Variants in GOLGA7 observed in about 807,000 individuals in gnomAD.
GOLGA7 encodes golgin A7.
In GOLGA7, 10 loss-of-function variants were observed where a neutral mutation model predicts 21.1. The ratio of observed to expected loss-of-function variants is 0.47; its 90% CI spans 0.29 to 0.80. The LOEUF (loss-of-function observed/expected upper bound fraction) is 0.80, where lower values mean the gene tolerates loss of function less well. Ranked by LOEUF, GOLGA7 falls within the 30% of genes least tolerant of loss-of-function variation. The pLI, the probability that GOLGA7 is intolerant of heterozygous loss-of-function variation, is 0.08. For missense variants in GOLGA7, 114 were observed against 166.8 expected (o/e 0.68, Z 1.74); for synonymous variants, 64 against 62.6 (o/e 1.02, Z -0.10).
Position 41,492,556 on chromosome 8 carries a change from G to A in GOLGA7, c.111+1591G>A, listed in dbSNP as rs573312815. ...GGGCACCTGTAATCCCCGCTACTCA[G>A]GAGGCTGAAGTAGAAGAATTTCTTG... is the stretch of plus-strand genomic sequence containing the variant. On this transcript the variant is annotated intron_variant, in intron 1 of 4. Transcript: ENST00000357743. 2.8e-4 allele frequency among the ~76,000 whole-genome samples: 42 copies of A among 152,328 alleles called. 1 individual carries two copies. The highest frequency in any genetic ancestry group is 1.2e-3 in the Admixed American group (19 of 15,302).
Position 41,490,818 on chromosome 8 carries a change from C to T in GOLGA7, c.-37C>T, listed in dbSNP as rs761449555. ...GGGGCTCTGACTCGCGGTTGGTGTT[C>T]CCCCGACCCCGCAGCGCGGGGTGTC... On this transcript the variant is annotated 5_prime_UTR_variant, in exon 1 of 5. Coordinates refer to ENST00000357743, the MANE Select transcript of GOLGA7 (RefSeq NM_001002296.2). 2.4e-6 allele frequency: 3 copies of T among 1,245,480 alleles called. No homozygotes were observed. Among genetic ancestry groups the T allele is most frequent in the Non-Finnish European group, 3.4e-6 (3 of 869,950 alleles). The allele number at this position is 1,245,480 out of a possible 1,614,324, so 77.2% of individuals were successfully genotyped here.
chr8:41,493,039 A>G (rs10101777), intron 1 of GOLGA7, among the ~76,000 whole-genome samples: 27,396 of 152,150 alleles, frequency 0.18, 2,989 homozygotes, highest in Middle Eastern at 0.31. Context: ...TGTATAGCCC[A>G]GAACTGCTTG....
At chr8:41,505,169 A>G (rs1022550140) in intron 2 of GOLGA7, among the ~76,000 whole-genome samples, 6 of 152,208 alleles carry the variant, frequency 3.9e-5, no homozygotes, top group Non-Finnish European at 5.9e-5. Flanking sequence ...GGCAATTTCC[A>G]GAAGTTCCTT....
intron 1 of GOLGA7, among the ~76,000 whole-genome samples, chr8:41,495,272 T>C (rs1306586693): frequency 2.0e-5 from 3 of 149,714 alleles, no homozygotes; most frequent in African/African-American, 4.9e-5. Flanking sequence ...ATACTGTATG[T>C]TGAGGGTTTT....
Position 41,509,972 on chromosome 8 carries a change from G to T in GOLGA7, c.*404G>T, listed in dbSNP as rs1456968247. 6.6e-6 allele frequency: 1 copy of T among 152,466 alleles called. No individual in the cohort carries two copies. The highest frequency in any genetic ancestry group is 2.1e-4 in the South Asian group (1 of 4,828). The allele number at this position is 152,466 out of a possible 1,614,324, so 9.4% of individuals were successfully genotyped here. On this transcript the variant is annotated 3_prime_UTR_variant, in exon 5 of 5. Transcript: ENST00000357743. ...AGGTGGCTTTAGACCTCAACAAGCC[G>T]TATCTTCACCAGTGTTCTATCTTGT...
At chr8:41,503,881 G>A (rs1806210062) in intron 2 of GOLGA7, among the ~76,000 whole-genome samples, 2 of 151,242 alleles carry the variant, frequency 1.3e-5, no homozygotes, top group East Asian at 1.9e-4. Flanking sequence ...GCTTAGGATT[G>A]ACTTGGCATA....
At chr8:41,500,408 G>A (rs765808564) in intron 2 of GOLGA7, among the ~76,000 whole-genome samples, 1 of 152,204 alleles carries the variant, frequency 6.6e-6, no homozygotes, top group Non-Finnish European at 1.5e-5. Flanking sequence ...TGGACCTTGG[G>A]AACTGAGAGA....
In GOLGA7 at chr8:41,490,739, T is replaced by G; in HGVS notation, c.-116T>G. On this transcript the variant is annotated 5_prime_UTR_variant, in exon 1 of 5. Coordinates refer to ENST00000357743, the MANE Select transcript of GOLGA7 (RefSeq NM_001002296.2). ...GGGGCAGAGGAGGCCTTGGGCTGTT[T>G]TCGGCGGCGGGTGGGGGCGAGGGGC... The G allele has an allele frequency of 1.5e-6, 1 of 648,468 alleles. No individual in the cohort carries two copies. The highest frequency in any genetic ancestry group is 1.8e-5 in the South Asian group (1 of 55,638). 40.2% of individuals were successfully genotyped at this position (648,468 alleles called of 1,614,324 possible).
intron 1 of GOLGA7, among the ~76,000 whole-genome samples, chr8:41,495,655 A>G (rs900120171): frequency 2.2e-5 from 3 of 139,160 alleles, no homozygotes; most frequent in South Asian, 4.3e-4. Flanking sequence ...AGGAAAGGAG[A>G]AAAAAAAAAA....
chr8:41,502,782 T>C (rs1265000879), intron 2 of GOLGA7: 1 of 152,216 alleles, frequency 6.6e-6, no homozygotes, highest in Non-Finnish European at 1.5e-5. Flanking sequence ...CAAGGTTTGA[T>C]TGTGTTTCAC....
chr8:41,502,214 G>A (rs1806165755), intron 2 of GOLGA7, among the ~76,000 whole-genome samples: 1 of 152,206 alleles, frequency 6.6e-6, no homozygotes. Context: ...TGATTAAAAT[G>A]TAAGCACAGC....
At chr8:41,490,519 G>A, upstream of GOLGA7, 1 of 306,594 alleles carries the variant, frequency 3.3e-6, no homozygotes, top group Non-Finnish European at 6.2e-6. Flanking sequence ...CAGACCTGAG[G>A]TAGGAGGCCG....
At position 41,506,008 on chromosome 8, in the gene GOLGA7, G is replaced by A. The variant is rs1168691977; in HGVS notation, c.362G>A (p.Arg121Gln). The A allele has an allele frequency of 6.7e-7, 1 of 1,486,144 alleles. No individual in the cohort carries two copies. Among genetic ancestry groups the A allele is most frequent in the Non-Finnish European group, 9.3e-7 (1 of 1,072,036 alleles). The allele number at this position is 1,486,144 out of a possible 1,614,324, so 92.1% of individuals were successfully genotyped here. The change falls in exon 3 of 5, where the codon CGA becomes CAA. Residue 121 changes from arginine (R) to glutamine (Q), a missense_variant. Coordinates refer to ENST00000357743, the MANE Select transcript of GOLGA7 (RefSeq NM_001002296.2). ...ACAGACCCTATTGAGCGAGGACTGC[G>A]AGTTGTATCTTTTTAGTTCGGATCA... is the stretch of plus-strand genomic sequence containing the variant. ...LLTDPIERGL[R>Q]VIEITIYEDR...
At chr8:41,492,800 TG>T (rs1805916826) in intron 1 of GOLGA7, among the ~76,000 whole-genome samples, 1 of 152,276 alleles carries the variant, frequency 6.6e-6, no homozygotes. Context: ...CACAATTATT[TG>T]GACATTAAAG....
At chr8:41,507,411 C>T (rs185189306) in intron 4 of GOLGA7, among the ~76,000 whole-genome samples, 4 of 152,090 alleles carry the variant, frequency 2.6e-5, no homozygotes, top group Non-Finnish European at 5.9e-5. Context: ...AGTTACTTGG[C>T]TTGTTTTAAT....
At position 41,490,696 on chromosome 8, in the gene GOLGA7, G is replaced by A; in HGVS notation, c.-159G>A. The A allele has an allele frequency of 5.2e-6, 3 of 578,650 alleles. No homozygotes were observed. The highest frequency in any genetic ancestry group is 1.9e-5 in the African/African-American group (1 of 52,110). The allele number at this position is 578,650 out of a possible 1,614,324, so 35.8% of individuals were successfully genotyped here. On this transcript the variant is annotated 5_prime_UTR_variant, in exon 1 of 5. Transcript: ENST00000357743. ...GCGGCAGCTAAGGCCCGCGGTGACA[G>A]CATGGGTGAAGGGGAGCGGGGCAGA...
rs1806385213 is a variant in GOLGA7 at position 41,510,107 on chromosome 8, A to G, written c.*539A>G. On this transcript the variant is annotated 3_prime_UTR_variant, in exon 5 of 5. Transcript: ENST00000357743. ...GAATTACTGGTTTTACCATGACTCAAATCTTAAGATCTGTTTCTACTATTC... is the reference window on the plus strand; with the variant it reads ...GAATTACTGGTTTTACCATGACTCAGATCTTAAGATCTGTTTCTACTATTC... 2.0e-5 allele frequency: 3 copies of G among 152,630 alleles called. No individual in the cohort carries two copies. Among genetic ancestry groups the G allele is most frequent in the African/African-American group, 7.2e-5 (3 of 41,448 alleles). 9.5% of individuals were successfully genotyped at this position (152,630 alleles called of 1,614,324 possible). A position where few individuals can be genotyped will look rare whatever the true frequency, so the allele number is the denominator to read the frequency against.
At chr8:41,506,727 T>A (rs117056225) in intron 3 of GOLGA7, among the ~76,000 whole-genome samples, 3 of 152,198 alleles carry the variant, frequency 2.0e-5, no homozygotes, top group Non-Finnish European at 2.9e-5. Context: ...TTTCAGGGTA[T>A]TTTTAAATCC....
intron 2 of GOLGA7, 124 bp downstream of exon 2, chr8:41,497,785 G>A: frequency 1.6e-6 from 1 of 617,604 alleles, no homozygotes; most frequent in Non-Finnish European, 2.9e-6. Context: ...CATTCAAATT[G>A]TGTTGTTCCT....
Sources: gnomAD v4.1 joint callset for allele counts (sites outside exome capture counted in the v4.1 genomes callset) on GRCh38, gnomAD v4.1.1 for gene constraint, MANE v1.5 for transcripts, NCBI Gene and HGNC (gene_info 2026-07-23, HGNC 2026-07-21) for gene names.